Variants in COL26A1 observed in about 807,000 individuals in gnomAD.
The protein encoded by COL26A1 is collagen type XXVI alpha 1 chain.
Under a neutral mutation model 59.3 loss-of-function variants are expected in COL26A1, and 41 were observed. The observed-to-expected ratio is 0.69, with a 90% CI of 0.54 to 0.90. The LOEUF is 0.90. Among genes scored for constraint, COL26A1 ranks in the 40% least tolerant of loss-of-function variants. The pLI is 0.00. For missense variants in COL26A1, 612 were observed against 602.3 expected (o/e 1.02, Z -0.17); for synonymous variants, 266 against 256.0 (o/e 1.04, Z -0.37).
At chr7:101,401,679 T>G (rs55679126) in intron 1 of COL26A1, among the ~76,000 whole-genome samples, 1 of 143,522 alleles carries the variant, frequency 7.0e-6, no homozygotes, top group Admixed American at 6.9e-5. Flanking sequence ...GAAGAAGATG[T>G]TGGAGGCTGA....
At chr7:101,513,106 A>G (rs1794960230) in intron 3 of COL26A1, among the ~76,000 whole-genome samples, 3 of 151,990 alleles carry the variant, frequency 2.0e-5, no homozygotes, top group Admixed American at 6.6e-5. Context: ...TCCTGGGTTC[A>G]AGCAATTCTC....
intron 3 of COL26A1, among the ~76,000 whole-genome samples, chr7:101,467,107 G>A (rs1208843194): frequency 1.3e-5 from 2 of 151,986 alleles, no homozygotes; most frequent in Admixed American, 1.3e-4. Flanking sequence ...TGCTGTGAAC[G>A]TCCCTGGGAG....
chr7:101,406,512 A>G (rs1792132622), intron 1 of COL26A1, among the ~76,000 whole-genome samples: 1 of 152,122 alleles, frequency 6.6e-6, no homozygotes, highest in Non-Finnish European at 1.5e-5. Flanking sequence ...AAGTGCTCTC[A>G]GGGGGCTGTT....
intron 3 of COL26A1, among the ~76,000 whole-genome samples, chr7:101,487,049 CA>C: frequency 6.6e-6 from 1 of 152,222 alleles, no homozygotes; most frequent in South Asian, 2.1e-4. Context: ...GAGGAGAGGC[CA>C]GGGGTGCTGG....
intron 1 of COL26A1, among the ~76,000 whole-genome samples, chr7:101,417,083 G>A (rs1175974465): frequency 1.3e-5 from 2 of 152,122 alleles, no homozygotes; most frequent in African/African-American, 4.8e-5. Flanking sequence ...TTTCTTTGAG[G>A]ACATTAATTA....
At chr7:101,427,976 A>G (rs4727491) in intron 2 of COL26A1, among the ~76,000 whole-genome samples, 110,776 of 152,062 alleles carry the variant, frequency 0.73, 41,327 homozygotes, top group African/African-American at 0.9. Flanking sequence ...CCCTCTTCCT[A>G]CGACACATTT....
At chr7:101,431,207 C>T (rs1212474141) in intron 2 of COL26A1, among the ~76,000 whole-genome samples, 1 of 152,140 alleles carries the variant, frequency 6.6e-6, no homozygotes, top group East Asian at 1.9e-4. Flanking sequence ...CACAATAAAA[C>T]ATTCTGCTAC....
intron 2 of COL26A1, among the ~76,000 whole-genome samples, chr7:101,436,113 C>T (rs990863870): frequency 3.3e-5 from 5 of 152,180 alleles, no homozygotes; most frequent in African/African-American, 1.2e-4. Context: ...ACTGCACCAC[C>T]CCGCACCGCC....
chr7:101,379,212 C>T (rs774497114), intron 1 of COL26A1, among the ~76,000 whole-genome samples: 26 of 152,274 alleles, frequency 1.7e-4, no homozygotes, highest in Non-Finnish European at 2.6e-4. Flanking sequence ...CCATTTCTGC[C>T]GTGATGTGAT....
intron 3 of COL26A1, among the ~76,000 whole-genome samples, chr7:101,493,757 TAAAAA>T (rs57268952): frequency 2.9e-5 from 2 of 69,222 alleles, no homozygotes; most frequent in Non-Finnish European, 5.1e-5. Flanking sequence ...CCATCTCTAC[TAAAAA>T]AAAAAAAAAA....
chr7:101,418,614 G>A (rs1365692810), intron 1 of COL26A1, among the ~76,000 whole-genome samples: 1 of 151,952 alleles, frequency 6.6e-6, no homozygotes, highest in Non-Finnish European at 1.5e-5. Context: ...GACTATAGGC[G>A]TGTGCCACCA....
At chr7:101,371,672 G>T (rs1431151152) in intron 1 of COL26A1, among the ~76,000 whole-genome samples, 2 of 152,036 alleles carry the variant, frequency 1.3e-5, no homozygotes, top group African/African-American at 4.8e-5. Flanking sequence ...CACACTTGTA[G>T]TCCCAGGTAT....
At chr7:101,489,813 T>TCTTTCTTC in intron 3 of COL26A1, among the ~76,000 whole-genome samples, 1 of 3,724 alleles carries the variant, frequency 2.7e-4, no homozygotes. Context: ...TTTCTTTCTT[T>TCTTTCTTC]CTTTCTTTCT....
intron 2 of COL26A1, among the ~76,000 whole-genome samples, chr7:101,430,396 C>T (rs1039196221): frequency 6.6e-6 from 1 of 151,998 alleles, no homozygotes. Context: ...TCAAGCGATT[C>T]TCCTGCCTCA....
intron 3 of COL26A1, among the ~76,000 whole-genome samples, chr7:101,466,756 T>G (rs952493551): frequency 6.6e-6 from 1 of 150,564 alleles, no homozygotes; most frequent in Non-Finnish European, 1.5e-5. Flanking sequence ...TATAGATGCT[T>G]AGGACTGAGA....
At chr7:101,419,739 C>T (rs1220477031) in intron 1 of COL26A1, among the ~76,000 whole-genome samples, 1 of 152,188 alleles carries the variant, frequency 6.6e-6, no homozygotes, top group Admixed American at 6.5e-5. Flanking sequence ...TCTTTCTCAC[C>T]AATTCCACAC....
intron 3 of COL26A1, among the ~76,000 whole-genome samples, chr7:101,527,181 G>A (rs1028522079): frequency 1.1e-4 from 17 of 151,878 alleles, no homozygotes; most frequent in Admixed American, 8.5e-4. Context: ...ATGTTGCCCC[G>A]ACTGGTCTCC....
intron 3 of COL26A1, among the ~76,000 whole-genome samples, chr7:101,490,868 G>A (rs1383382606): frequency 2.0e-5 from 3 of 151,544 alleles, no homozygotes; most frequent in South Asian, 2.1e-4. Flanking sequence ...GCATGGTGGT[G>A]GGCACCTGTA....
intron 3 of COL26A1, among the ~76,000 whole-genome samples, chr7:101,453,115 C>T (rs1793384548): frequency 6.6e-6 from 1 of 152,158 alleles, no homozygotes; most frequent in Admixed American, 6.5e-5. Context: ...CGTTTGTAAT[C>T]CCAGCACTTT....
Sources: gnomAD v4.1 joint callset for allele counts (sites outside exome capture counted in the v4.1 genomes callset) on GRCh38, gnomAD v4.1.1 for gene constraint, MANE v1.5 for transcripts, NCBI Gene and HGNC (gene_info 2026-07-23, HGNC 2026-07-21) for gene names.